POU6F2: variants seen among roughly 807,000 people sequenced by gnomAD.
POU6F2 encodes the protein POU domain, class 6, transcription factor 2.
Under a neutral mutation model 71.3 loss-of-function variants are expected in POU6F2, and 31 were observed. That is an observed-to-expected ratio of 0.43 (90% CI 0.33 to 0.59). The LOEUF is 0.59. Among genes scored for constraint, POU6F2 ranks in the 20% least tolerant of loss-of-function variants. The pLI is 0.04. For synonymous variants in POU6F2, 347 were observed against 355.7 expected, an observed-to-expected ratio of 0.98 and a Z score of 0.27; for missense variants, 783 against 856.8, an observed-to-expected ratio of 0.91 and a Z score of 1.07.
intron 2 of POU6F2, among the ~76,000 whole-genome samples, chr7:39,179,382 T>A (rs1793390711): frequency 6.6e-6 from 1 of 152,248 alleles, no homozygotes; most frequent in South Asian, 2.1e-4. Context: ...CAGGTTGTAG[T>A]GGTATCCTCC....
intron 2 of POU6F2, 66 bp downstream of exon 2, chr7:39,086,097 C>T: frequency 6.8e-7 from 1 of 1,466,448 alleles, no homozygotes; most frequent in East Asian, 2.4e-5. Flanking sequence ...CCAACCCCCC[C>T]AACCCCCCCT....
intron 5 of POU6F2, among the ~76,000 whole-genome samples, chr7:39,343,449 G>C (rs1785964176): frequency 6.6e-6 from 1 of 151,778 alleles, no homozygotes; most frequent in African/African-American, 2.4e-5. Flanking sequence ...TTTTAATCTG[G>C]ATAGAGACCC....
chr7:39,144,442 A>T (rs1192499645), intron 2 of POU6F2, among the ~76,000 whole-genome samples: 1 of 152,230 alleles, frequency 6.6e-6, no homozygotes, highest in Non-Finnish European at 1.5e-5. Flanking sequence ...ATGGCCTTTC[A>T]ATATGCTATA....
At chr7:39,064,027 T>C (rs931654828) in intron 1 of POU6F2, among the ~76,000 whole-genome samples, 16 of 152,180 alleles carry the variant, frequency 1.1e-4, no homozygotes, top group Admixed American at 7.9e-4. Context: ...ACAGATGAGA[T>C]GAATCAAAAT....
chr7:39,015,638 G>C (rs1460929509), intron 1 of POU6F2, among the ~76,000 whole-genome samples: 1 of 97,396 alleles, frequency 1.0e-5, no homozygotes, highest in Non-Finnish European at 1.9e-5. Flanking sequence ...ATATATCTAT[G>C]TTATATATAG....
chr7:39,151,649 C>G (rs1179398987), intron 2 of POU6F2, among the ~76,000 whole-genome samples: 1 of 152,160 alleles, frequency 6.6e-6, no homozygotes, highest in Admixed American at 6.5e-5. Flanking sequence ...AGTAACTTCT[C>G]TTTTCATCTA....
chr7:39,205,093 A>C (rs913723452), intron 3 of POU6F2, among the ~76,000 whole-genome samples: 1 of 151,424 alleles, frequency 6.6e-6, no homozygotes, highest in African/African-American at 2.4e-5. Context: ...TGGCCTTGAC[A>C]TTCTTATTCC....
chr7:39,445,181 A>G (rs899512369), intron 7 of POU6F2, among the ~76,000 whole-genome samples: 8 of 152,196 alleles, frequency 5.3e-5, no homozygotes, highest in African/African-American at 1.9e-4. Flanking sequence ...CTAATTTTCA[A>G]AAAAATCAAT....
At chr7:39,241,837 G>A (rs1783729534) in intron 4 of POU6F2, among the ~76,000 whole-genome samples, 1 of 152,056 alleles carries the variant, frequency 6.6e-6, no homozygotes, top group Non-Finnish European at 1.5e-5. Context: ...TGGTGTAACT[G>A]TGATACAAGA....
chr7:39,340,284 G>T (rs1045681389), intron 5 of POU6F2, among the ~76,000 whole-genome samples: 2 of 152,212 alleles, frequency 1.3e-5, no homozygotes, highest in African/African-American at 4.8e-5. Flanking sequence ...AGCACTATAA[G>T]TGCATTTGGA....
intron 1 of POU6F2, among the ~76,000 whole-genome samples, chr7:39,001,778 G>GTGATGGTGATGTAATGA (rs1227959309): frequency 9.2e-5 from 14 of 152,158 alleles, no homozygotes; most frequent in African/African-American, 3.4e-4. Context: ...GATGGTGATA[G>GTGATGGTGATGTAATGA]TGATGGTGAT....
intron 6 of POU6F2, among the ~76,000 whole-genome samples, chr7:39,408,997 T>C (rs558826565): frequency 6.6e-6 from 1 of 152,342 alleles, no homozygotes; most frequent in African/African-American, 2.4e-5. Context: ...TTTTGTGTTT[T>C]TTGTTTGTGT....
rs141093975 is a variant in POU6F2 at position 39,429,283 on chromosome 7, G to A, written c.1114-3794G>A. On this transcript the variant is annotated intron_variant, in intron 6 of 9. Transcript: ENST00000518318. ...ATGGTTTCTCTGCCTTCCCCAAATCGTACCCAATCTCCAGACCCTGCTTGG... is the reference window on the plus strand; with the variant it reads ...ATGGTTTCTCTGCCTTCCCCAAATCATACCCAATCTCCAGACCCTGCTTGG... Among the ~76,000 whole-genome samples, 345 of 151,932 alleles carry A rather than the reference G, an allele frequency of 2.3e-3. 4 individuals carry two copies. Among genetic ancestry groups the A allele is most frequent in the African/African-American group, 7.5e-3 (310 of 41,428 alleles).
intron 1 of POU6F2, among the ~76,000 whole-genome samples, chr7:39,062,502 G>T (rs983649460): frequency 6.6e-6 from 1 of 151,264 alleles, no homozygotes; most frequent in Non-Finnish European, 1.5e-5. Flanking sequence ...GAAGGCAATT[G>T]CCCATTCCAT....
chr7:39,457,840 C>T (rs753354971), intron 8 of POU6F2, among the ~76,000 whole-genome samples: 11 of 152,124 alleles, frequency 7.2e-5, no homozygotes, highest in Non-Finnish European at 1.2e-4. Flanking sequence ...TGCAAGACTG[C>T]CAAACCCTTC....
intron 4 of POU6F2, among the ~76,000 whole-genome samples, chr7:39,239,480 A>G (rs1321849981): frequency 6.6e-6 from 1 of 152,132 alleles, no homozygotes; most frequent in Non-Finnish European, 1.5e-5. Flanking sequence ...AATGTGCTTC[A>G]TTGTGGAATG....
At chr7:39,080,561 G>T (rs1791096691) in intron 1 of POU6F2, among the ~76,000 whole-genome samples, 1 of 152,012 alleles carries the variant, frequency 6.6e-6, no homozygotes, top group Non-Finnish European at 1.5e-5. Flanking sequence ...TTTTTCTATT[G>T]AATTCTAGGA....
chr7:39,193,717 C>A (rs927235479), intron 2 of POU6F2, among the ~76,000 whole-genome samples: 1 of 152,174 alleles, frequency 6.6e-6, no homozygotes, highest in African/African-American at 2.4e-5. Flanking sequence ...TCGATGGCAG[C>A]TATTGCAAAA....
At chr7:39,123,727 A>C (rs1792089708) in intron 2 of POU6F2, among the ~76,000 whole-genome samples, 1 of 151,606 alleles carries the variant, frequency 6.6e-6, no homozygotes, top group Non-Finnish European at 1.5e-5. Context: ...CCTCATAGCA[A>C]TGACTCCTCA....
Sources: allele counts gnomAD v4.1 joint callset (sites outside exome capture counted in the v4.1 genomes callset), GRCh38; gene constraint gnomAD v4.1.1; transcripts MANE v1.5; gene names NCBI Gene and HGNC (gene_info 2026-07-23, HGNC 2026-07-21).